The following HS6ST2 variants were observed in gnomAD, a reference collection of about 807,000 sequenced individuals.
HS6ST2 encodes the protein heparan sulfate 6-O-sulfotransferase 2, also known as heparan-sulfate 6-O-sulfotransferase 2.
In HS6ST2, 17 loss-of-function variants were observed where a neutral mutation model predicts 33.0. The ratio of observed to expected loss-of-function variants is 0.52; its 90% confidence interval spans 0.35 to 0.77. HS6ST2 has a LOEUF of 0.77. HS6ST2 is among the 30% of genes least tolerant of loss of function. The pLI, the probability that HS6ST2 is intolerant of heterozygous loss-of-function variation, is 0.01. For missense variants in HS6ST2, 519 were observed against 551.7 expected (o/e 0.94, Z 0.59); for synonymous variants, 248 against 237.1 (o/e 1.05, Z -0.42).
chrX:132,795,256 A>C, intron 2 of HS6ST2, among the ~76,000 whole-genome samples: 1 of 112,072 alleles, frequency 8.9e-6, no homozygotes, highest in Non-Finnish European at 1.9e-5. Context: ...ATGGAATCAT[A>C]CAATAATATG....
chrX:132,678,798 T>C (rs1032591970), intron 3 of HS6ST2, among the ~76,000 whole-genome samples: 4 of 112,537 alleles, frequency 3.6e-5, no homozygotes, highest in Admixed American at 1.9e-4. Flanking sequence ...TGACAATTTA[T>C]GGAAACAAAG....
At chrX:132,867,121 A>T (rs2065994144) in intron 2 of HS6ST2, among the ~76,000 whole-genome samples, 1 of 100,929 alleles carries the variant, frequency 9.9e-6, no homozygotes, top group Admixed American at 1.0e-4. Flanking sequence ...TGGGTTTGTC[A>T]TAGATAGCTC....
intron 2 of HS6ST2, among the ~76,000 whole-genome samples, chrX:132,827,461 G>A (rs756546419): frequency 9.1e-6 from 1 of 110,288 alleles, no homozygotes; most frequent in Non-Finnish European, 1.9e-5. Flanking sequence ...AAGGAAAACA[G>A]GAGGAGGATG....
intron 2 of HS6ST2, among the ~76,000 whole-genome samples, chrX:132,877,575 T>C (rs2066119603): frequency 9.0e-6 from 1 of 111,359 alleles, no homozygotes; most frequent in Non-Finnish European, 1.9e-5. Flanking sequence ...TCAGACCCCG[T>C]TTCACACAGG....
intron 2 of HS6ST2, among the ~76,000 whole-genome samples, chrX:132,864,130 C>A (rs184783688): frequency 9.1e-6 from 1 of 110,447 alleles, no homozygotes; most frequent in Non-Finnish European, 1.9e-5. Flanking sequence ...TAGATAAATT[C>A]ATGAAGATGA....
chrX:132,656,249 A>T (rs1429651122), intron 4 of HS6ST2, among the ~76,000 whole-genome samples: 2 of 110,461 alleles, frequency 1.8e-5, no homozygotes, highest in Admixed American at 9.7e-5. Context: ...TTCTTTTTTT[A>T]AAAAAGCTTG....
chrX:132,928,567 G>A (rs2066732793), intron 2 of HS6ST2, among the ~76,000 whole-genome samples: 1 of 111,030 alleles, frequency 9.0e-6, no homozygotes. Flanking sequence ...ATTTCAACAT[G>A]AGATTTGGGC....
intron 2 of HS6ST2, among the ~76,000 whole-genome samples, chrX:132,710,276 T>C (rs749532896): frequency 1.1e-4 from 12 of 111,619 alleles, no homozygotes; most frequent in Non-Finnish European, 1.9e-4. Context: ...AAAAGATACA[T>C]ACTAATTAGA....
chrX:132,873,711 T>C (rs1370978968), intron 2 of HS6ST2, among the ~76,000 whole-genome samples: 1 of 111,494 alleles, frequency 9.0e-6, no homozygotes, highest in Non-Finnish European at 1.9e-5. Context: ...AATGAATGGA[T>C]GAATGAATGA....
Position 132,958,594 on chromosome X carries a change from C to A in HS6ST2, c.9G>T (p.Leu3=). Residue 3 remains leucine, a synonymous_variant, in exon 1 of 5, where the codon CTG becomes CTT. Transcript: ENST00000370833. ...CGAACTCCCGGACTGCACACGCAGG[C>A]AGTGCCATTCCCCCCTTCAGGCAAC... MA[L]PACAVREFEP... The A allele has an allele frequency of 8.5e-7, 1 of 1,169,670 alleles. No homozygotes were observed. The highest frequency in any genetic ancestry group is 1.1e-6 in the Non-Finnish European group (1 of 873,305).
chrX:132,854,336 C>T (rs1285079456), intron 2 of HS6ST2, among the ~76,000 whole-genome samples: 2 of 112,375 alleles, frequency 1.8e-5, no homozygotes, highest in African/African-American at 6.5e-5. Context: ...GTGAATAAAA[C>T]AGCAAAAAGT....
intron 2 of HS6ST2, among the ~76,000 whole-genome samples, chrX:132,829,035 C>A (rs895856498): frequency 4.8e-5 from 5 of 103,312 alleles, no homozygotes; most frequent in African/African-American, 1.8e-4. Flanking sequence ...CGAGTAGATT[C>A]ATGTTAATAT....
chrX:132,800,869 T>A (rs1352077950), intron 2 of HS6ST2, among the ~76,000 whole-genome samples: 1 of 111,380 alleles, frequency 9.0e-6, no homozygotes, highest in Non-Finnish European at 1.9e-5. Flanking sequence ...GTGAGTGAAT[T>A]CTCATGACAT....
chrX:132,776,770 A>T (rs1483729775), intron 2 of HS6ST2, among the ~76,000 whole-genome samples: 1 of 110,855 alleles, frequency 9.0e-6, no homozygotes, highest in Admixed American at 9.7e-5. Context: ...CATCCCACAA[A>T]CCCACCAAAT....
intron 2 of HS6ST2, among the ~76,000 whole-genome samples, chrX:132,937,530 G>GA (rs1399787830): frequency 4.5e-5 from 5 of 110,805 alleles, no homozygotes; most frequent in East Asian, 2.8e-4. Context: ...AGAGAACCCA[G>GA]AAAAAAAATC....
At chrX:132,833,878 C>T (rs2065616417) in intron 2 of HS6ST2, among the ~76,000 whole-genome samples, 1 of 110,469 alleles carries the variant, frequency 9.1e-6, no homozygotes, top group Admixed American at 9.7e-5. Context: ...ATTAACTCCT[C>T]ATAGGGCCAT....
intron 2 of HS6ST2, among the ~76,000 whole-genome samples, chrX:132,883,263 T>C (rs1355682884): frequency 9.0e-6 from 1 of 111,110 alleles, no homozygotes; most frequent in Non-Finnish European, 1.9e-5. Context: ...GGTCCTGGAC[T>C]TTTTTTGGCT....
intron 2 of HS6ST2, among the ~76,000 whole-genome samples, chrX:132,895,855 C>G (rs2066369489): frequency 9.0e-6 from 1 of 110,692 alleles, no homozygotes; most frequent in African/African-American, 3.3e-5. Flanking sequence ...ATGGTGTATA[C>G]TACATGACTT....
At chrX:132,631,606 A>G (rs1603287381) in intron 4 of HS6ST2, among the ~76,000 whole-genome samples, 1 of 64,025 alleles carries the variant, frequency 1.6e-5, no homozygotes, top group African/African-American at 9.8e-5. Context: ...GATTATTTGG[A>G]AAAAAAAAAA....
Sources: allele counts gnomAD v4.1 joint callset (sites outside exome capture counted in the v4.1 genomes callset), GRCh38; gene constraint gnomAD v4.1.1; transcripts MANE v1.5; gene names NCBI Gene and HGNC (gene_info 2026-07-23, HGNC 2026-07-21).